The following PTBP3 variants were observed in gnomAD, a reference collection of about 807,000 sequenced individuals.
PTBP3 encodes the protein polypyrimidine tract binding protein 3, also known as polypyrimidine tract-binding protein 3.
A neutral mutation model predicts 58.7 loss-of-function variants in PTBP3; 20 were observed. The ratio of observed to expected loss-of-function variants is 0.34; its 90% confidence interval spans 0.24 to 0.50. The LOEUF is 0.50. PTBP3 is among the 20% of genes least tolerant of loss of function. PTBP3 has a pLI of 0.98. For synonymous variants in PTBP3, 185 were observed against 219.8 expected, an observed-to-expected ratio of 0.84 and a Z score of 1.40; for missense variants, 509 against 637.2, an observed-to-expected ratio of 0.80 and a Z score of 2.17.
At chr9:112,316,565 C>T (rs532006012) in intron 1 of PTBP3, among the ~76,000 whole-genome samples, 4 of 152,164 alleles carry the variant, frequency 2.6e-5, no homozygotes, top group Admixed American at 6.5e-5. Flanking sequence ...AAGTAACCCA[C>T]GCCCAGATTC....
At chr9:112,246,745 G>A (rs996119678) in intron 7 of PTBP3, among the ~76,000 whole-genome samples, 6 of 151,640 alleles carry the variant, frequency 4.0e-5, no homozygotes, top group African/African-American at 1.5e-4. Context: ...TAAGAACAGG[G>A]TATTTATCAT....
At chr9:112,333,737 C>G, upstream of PTBP3, 1 of 344,262 alleles carries the variant, frequency 2.9e-6, no homozygotes, top group Non-Finnish European at 5.2e-6. Flanking sequence ...CGCCCTCCCT[C>G]GGGGCCCGCC....
In PTBP3 at chr9:112,285,685, T is replaced by C. The variant is rs1382155845; in HGVS notation, c.35-9672A>G. On this transcript the variant is annotated intron_variant, in intron 2 of 13. Transcript: ENST00000374257. ...CTGTGTTCAAATACAATTTTATGTATAGACACAGAAATTTGAATTTCATGA... is the reference window on the plus strand; with the variant it reads ...CTGTGTTCAAATACAATTTTATGTACAGACACAGAAATTTGAATTTCATGA... 2.6e-5 allele frequency among the ~76,000 whole-genome samples: 4 copies of C among 152,350 alleles called. No homozygotes were observed. In the East Asian group the frequency reaches 7.7e-4, roughly 29 times the overall value.
intron 6 of PTBP3, 160 bp downstream of exon 6, chr9:112,252,509 TTTTAGCTTA>T: frequency 1.9e-6 from 1 of 520,778 alleles, no homozygotes; most frequent in South Asian, 2.1e-5. Flanking sequence ...TAGTAATGAT[TTTTAGCTTA>T]GAAAAAAAAA....
At chr9:112,334,201 C>G (rs1587907980), upstream of PTBP3, among the ~76,000 whole-genome samples, 1 of 151,674 alleles carries the variant, frequency 6.6e-6, no homozygotes, top group Non-Finnish European at 1.5e-5. Flanking sequence ...GTGGCTGGGA[C>G]GATGAATGAG....
intron 8 of PTBP3, among the ~76,000 whole-genome samples, chr9:112,233,765 T>C (rs925329631): frequency 3.9e-5 from 6 of 152,064 alleles, no homozygotes; most frequent in Non-Finnish European, 8.8e-5. Flanking sequence ...ACCCCACCTC[T>C]ACTAAAAATA....
At chr9:112,350,038 T>G in the PTBP3 span, among the ~76,000 whole-genome samples, 2 of 148,886 alleles carry the variant, frequency 1.3e-5, no homozygotes, top group Non-Finnish European at 3.0e-5. Flanking sequence ...CCTCAGATGG[T>G]TTTTTTTTTA....
intron 5 of PTBP3, among the ~76,000 whole-genome samples, chr9:112,261,586 A>T (rs1026001326): frequency 6.6e-6 from 1 of 152,246 alleles, no homozygotes; most frequent in Non-Finnish European, 1.5e-5. Flanking sequence ...GCAGTATTTT[A>T]ATATGTGGGC....
Position 112,332,678 on chromosome 9 carries a change from T to C in PTBP3, c.-52+792A>G, listed in dbSNP as rs1475680061. The C allele has an allele frequency of 3.6e-6, 5 of 1,401,908 alleles. No individual in the cohort carries two copies. In the Admixed American group the frequency reaches 1.1e-4, roughly 31 times the overall value. 86.8% of individuals were successfully genotyped at this position (1,401,908 alleles called of 1,614,324 possible). A position where few individuals can be genotyped will look rare whatever the true frequency, so the allele number is the denominator to read the frequency against. Reference sequence around the variant, plus strand: ...ATCCCTGAGTCCCCAGAGAACAGTTTATATACATAGACTCTAAATCTTTTT... The same window carrying C: ...ATCCCTGAGTCCCCAGAGAACAGTTCATATACATAGACTCTAAATCTTTTT... On this transcript the variant is annotated intron_variant, in intron 1 of 13. Transcript: ENST00000374257.
intron 10 of PTBP3, 83 bp from the exon 11 acceptor site, chr9:112,228,555 C>T (rs1835080722): frequency 1.5e-6 from 1 of 656,434 alleles, no homozygotes; most frequent in Admixed American, 4.0e-5. Flanking sequence ...TTAAAGAAGG[C>T]ATTTCTTACT....
chr9:112,289,821 T>C (rs1455077508), intron 2 of PTBP3, among the ~76,000 whole-genome samples: 1 of 152,176 alleles, frequency 6.6e-6, no homozygotes, highest in Non-Finnish European at 1.5e-5. Flanking sequence ...ATACAAATTA[T>C]TCAGTTTGTT....
At chr9:112,361,456 T>C in the PTBP3 span, among the ~76,000 whole-genome samples, 2 of 152,212 alleles carry the variant, frequency 1.3e-5, no homozygotes, top group African/African-American at 4.8e-5. Flanking sequence ...GTCCATTTTA[T>C]GGTAATTTTG....
chr9:112,276,699 G>C (rs1827626634), intron 2 of PTBP3, among the ~76,000 whole-genome samples: 1 of 151,934 alleles, frequency 6.6e-6, no homozygotes, highest in South Asian at 2.1e-4. Context: ...AAGCCCTCCA[G>C]GAGATTCTAT....
At chr9:112,371,955 A>G in the PTBP3 span, among the ~76,000 whole-genome samples, 1 of 151,870 alleles carries the variant, frequency 6.6e-6, no homozygotes, top group African/African-American at 2.4e-5. Flanking sequence ...CTGTTGCTTG[A>G]CCTGGTTTAT....
chr9:112,368,244 C>G, the PTBP3 span, among the ~76,000 whole-genome samples: 1 of 152,236 alleles, frequency 6.6e-6, no homozygotes, highest in Admixed American at 6.5e-5. Context: ...AACCTCGGCT[C>G]ACTGCAACCT....
Position 112,278,308 on chromosome 9 carries a change from C to T in PTBP3, c.35-2295G>A, listed in dbSNP as rs1021219039. ...AAACAACAAACATCAGAGTCCTGGA[C>T]GGGGGCGAGAGTTGAACAGGGAATG... On this transcript the variant is annotated intron_variant, in intron 2 of 13. Coordinates refer to ENST00000374257, the MANE Select transcript of PTBP3 (RefSeq NM_001163788.4). 3.3e-5 allele frequency among the ~76,000 whole-genome samples: 5 copies of T among 152,116 alleles called. 1 individual carries two copies. Among genetic ancestry groups the T allele is most frequent in the African/African-American group, 9.7e-5 (4 of 41,436 alleles).
At chr9:112,312,503 A>ATT (rs1425044871) in intron 1 of PTBP3, among the ~76,000 whole-genome samples, 4 of 79,468 alleles carry the variant, frequency 5.0e-5, no homozygotes, top group African/African-American at 1.7e-4. Context: ...TTTTTTTTAA[A>ATT]AAAAAAAAAA....
Position 112,233,968 on chromosome 9 carries a change from T to C in PTBP3, c.880+852A>G, listed in dbSNP as rs112617596. Among the ~76,000 whole-genome samples, 1,454 of 151,746 alleles carry C rather than the reference T, an allele frequency of 9.6e-3. 24 individuals carry two copies. Among genetic ancestry groups the C allele is most frequent in the African/African-American group, 0.03 (1,238 of 41,310 alleles). ...AAAAAAAAGAGAGAGAGAGAGTAGTTAAAATTCCCAGAATTCAAAGGTTAG... is the reference window on the plus strand; with the variant it reads ...AAAAAAAAGAGAGAGAGAGAGTAGTCAAAATTCCCAGAATTCAAAGGTTAG... On this transcript the variant is annotated intron_variant, in intron 8 of 13. Transcript: ENST00000374257.
chr9:112,284,627 C>A (rs959966571), intron 2 of PTBP3, among the ~76,000 whole-genome samples: 2 of 152,136 alleles, frequency 1.3e-5, no homozygotes, highest in Non-Finnish European at 2.9e-5. Context: ...ACCTAGGAGG[C>A]GTAGGCTGCA....
Sources: allele counts gnomAD v4.1 joint callset (sites outside exome capture counted in the v4.1 genomes callset), GRCh38; gene constraint gnomAD v4.1.1; transcripts MANE v1.5; gene names NCBI Gene and HGNC (gene_info 2026-07-23, HGNC 2026-07-21).